FSIP2: variants seen among roughly 807,000 people sequenced by gnomAD.
FSIP2 encodes the protein fibrous sheath interacting protein 2.
In FSIP2, 367 loss-of-function variants were observed where a neutral mutation model predicts 510.5. The observed-to-expected ratio is 0.72, with a 90% CI of 0.66 to 0.78. The LOEUF (loss-of-function observed/expected upper bound fraction) is 0.78, where lower values mean the gene tolerates loss of function less well. Ranked by LOEUF, FSIP2 falls within the 30% of genes least tolerant of loss-of-function variation. The pLI is 0.00. For synonymous variants in FSIP2, 2,601 were observed against 2,732.2 expected (o/e 0.95, Z 1.50); for missense variants, 7,594 against 7,901.7 (o/e 0.96, Z 1.48).
chr2:185,747,688 G>T (rs1692060772), intron 7 of FSIP2, among the ~76,000 whole-genome samples: 2 of 151,920 alleles, frequency 1.3e-5, no homozygotes. Flanking sequence ...TTAAATGACT[G>T]ATTAACTTTT....
In FSIP2 at chr2:185,832,552, A is replaced by G. The variant is rs944586657; in HGVS notation, c.20588-538A>G. ...AACTTATTAAGTATCAGAAAAGTAT[A>G]TAAATATTTCTTTATATATAAAATT... On this transcript the variant is annotated intron_variant, in intron 22 of 22. Transcript: ENST00000424728. Among the ~76,000 whole-genome samples the G allele has an allele frequency of 2.0e-5, 3 of 151,744 alleles. No homozygotes were observed. In the South Asian group the frequency reaches 6.2e-4, roughly 31 times the overall value.
intron 12 of FSIP2, 81 bp downstream of exon 12, chr2:185,763,370 A>G: frequency 1.4e-6 from 1 of 699,544 alleles, no homozygotes. Flanking sequence ...ATAAAATGTC[A>G]TGATTTATGT....
At chr2:185,827,866 T>C (rs1237905999) in intron 20 of FSIP2, among the ~76,000 whole-genome samples, 1 of 151,904 alleles carries the variant, frequency 6.6e-6, no homozygotes, top group African/African-American at 2.4e-5. Flanking sequence ...TGGTTGTGCA[T>C]AGATGTATAG....
At position 185,792,993 on chromosome 2, in the gene FSIP2, C is replaced by T; in HGVS notation, c.5857C>T (p.Pro1953Ser). 1 of 1,534,394 alleles carries T rather than the reference C, an allele frequency of 6.5e-7. No homozygotes were observed. The highest frequency in any genetic ancestry group is 8.7e-7 in the Non-Finnish European group (1 of 1,145,652). Reference protein sequence around the residue: ...QVNFTVPVALPIQQDHSTLSK... With the variant: ...QVNFTVPVALSIQQDHSTLSK... Reference sequence around the variant, plus strand: ...CAACTTTACAGTTCCAGTGGCTTTACCTATTCAGCAAGATCACAGTACATT... The same window carrying T: ...CAACTTTACAGTTCCAGTGGCTTTATCTATTCAGCAAGATCACAGTACATT... The change falls in exon 16 of 23, where the codon CCT (proline) becomes TCT (serine). Residue 1953 changes from proline (P) to serine (S), a missense_variant. By Grantham distance (74) the Pro-to-Ser change is moderately conservative. Coordinates refer to ENST00000424728, the MANE Select transcript of FSIP2 (RefSeq NM_173651.4).
Position 185,803,276 on chromosome 2 carries a change from A to G in FSIP2, c.13970A>G (p.Lys4657Arg), listed in dbSNP as rs1449403410. 4 of 1,526,784 alleles carry G rather than the reference A, an allele frequency of 2.6e-6. No individual in the cohort carries two copies. Among genetic ancestry groups the G allele is most frequent in the Admixed American group, 4.0e-5 (2 of 49,604 alleles). The allele number at this position is 1,526,784 out of a possible 1,614,324, so 94.6% of individuals were successfully genotyped here. Residue 4657 changes from lysine to arginine, a missense_variant, in exon 17 of 23, where the codon AAA (lysine) becomes AGA (arginine). Lys to Arg is a conservative substitution (Grantham distance 26). Coordinates refer to ENST00000424728, the MANE Select transcript of FSIP2 (RefSeq NM_173651.4). ...GATTCAGAAGATGAACTGTTTGAGA[A>G]AGCTGAAGAACTCATACATTTGATT... is the stretch of plus-strand genomic sequence containing the variant. ...IRDSEDELFE[K>R]AEELIHLITG...
chr2:185,762,146 A>C, intron 11 of FSIP2, 129 bp downstream of exon 11: 1 of 503,162 alleles, frequency 2.0e-6, no homozygotes, highest in Non-Finnish European at 3.5e-6. Context: ...GCTGATATAA[A>C]TTTTTTATGA....
chr2:185,791,574 A>C lies in FSIP2; in HGVS notation c.4438A>C (p.Ile1480Leu). The change falls in exon 16 of 23, where the codon ATT (isoleucine) becomes CTT (leucine). Residue 1480 changes from isoleucine (I) to leucine (L), a missense_variant. Physicochemically the swap from Ile to Leu is conservative, Grantham distance 5. Transcript: ENST00000424728. ...AATGGCTGCTGCATTGCAGTCTAAT[A>C]TTCAGTTAATTTCTAAAGCAATTTT... ...QKMAAALQSN[I>L]QLISKAILDY... The C allele has an allele frequency of 6.5e-7, 1 of 1,534,284 alleles. No individual in the cohort carries two copies.
chr2:185,792,561 G>A lies in FSIP2; in HGVS notation c.5425G>A (p.Gly1809Ser), dbSNP rs1693162913. Residue 1809 changes from glycine to serine, a missense_variant, in exon 16 of 23, where the codon GGC (glycine) becomes AGC (serine). Gly to Ser is a moderately conservative substitution (Grantham distance 56). Coordinates refer to ENST00000424728, the MANE Select transcript of FSIP2 (RefSeq NM_173651.4). ...TTCTCTCTCCCACTCTAATTTTAATGGCATGCCTCACAATGTTGATGAGCC... is the reference window on the plus strand; with the variant it reads ...TTCTCTCTCCCACTCTAATTTTAATAGCATGCCTCACAATGTTGATGAGCC... ...VLSLSHSNFN[G>S]MPHNVDEPTP... The A allele has an allele frequency of 6.5e-7, 1 of 1,532,870 alleles. No homozygotes were observed. Among genetic ancestry groups the A allele is most frequent in the African/African-American group, 1.4e-5 (1 of 72,910 alleles). 95.0% of individuals were successfully genotyped at this position (1,532,870 alleles called of 1,614,324 possible).
rs2105643998 is a variant in FSIP2, at chr2:185,803,459, A to T, written c.14153A>T (p.Asp4718Val). The T allele has an allele frequency of 3.3e-6, 5 of 1,528,872 alleles. No individual in the cohort carries two copies. In the South Asian group the frequency reaches 4.8e-5, roughly 15 times the overall value. The allele number at this position is 1,528,872 out of a possible 1,614,324, so 94.7% of individuals were successfully genotyped here. The change falls in exon 17 of 23, where the codon GAT becomes GTT. Residue 4718 changes from aspartate (D) to valine (V), a missense_variant. Physicochemically the swap from Asp to Val is radical, Grantham distance 152. Transcript: ENST00000424728. Reference protein sequence around the residue: ...EYEMEVVPNKDFLNDTKTLAA... With the variant: ...EYEMEVVPNKVFLNDTKTLAA... ...GAAATGGAAGTCGTGCCCAATAAAG[A>T]TTTTCTAAATGACACAAAGACATTG...
chr2:185,808,515 T>C lies in FSIP2; in HGVS notation c.19209T>C (p.Ser6403=), dbSNP rs751406937. 1.5e-5 allele frequency: 24 copies of C among 1,611,562 alleles called. No individual in the cohort carries two copies. Among genetic ancestry groups the C allele is most frequent in the Non-Finnish European group, 1.9e-5 (22 of 1,179,086 alleles). Residue 6403 remains serine (S), a synonymous_variant, in exon 17 of 23, where the codon TCT becomes TCC. Transcript: ENST00000424728. ...ISRSSISLIA[S]DPEEHCLNPE... The stretch of plus-strand genomic sequence containing the variant: ...GAAGTAGCATTAGTCTAATAGCTTC[T>C]GATCCTGAAGAGCACTGTTTAAATC...
chr2:185,753,487 T>A (rs1293578365), intron 7 of FSIP2, among the ~76,000 whole-genome samples: 1 of 151,460 alleles, frequency 6.6e-6, no homozygotes, highest in Non-Finnish European at 1.5e-5. Context: ...GATCAGAAAC[T>A]GAATTAGTTC....
Position 185,763,298 on chromosome 2 carries a change from C to G in FSIP2, c.1347+9C>G. 8.7e-7 allele frequency: 1 copy of G among 1,146,210 alleles called. No individual in the cohort carries two copies. The highest frequency in any genetic ancestry group is 1.3e-6 in the Non-Finnish European group (1 of 791,660). The allele number at this position is 1,146,210 out of a possible 1,614,324, so 71.0% of individuals were successfully genotyped here. ...ATCCTTCAAAAGAAGAGGTATATAA[C>G]AGTTCTTTTACCCCAAATACAAACA... On this transcript the variant is annotated intron_variant, in intron 12 of 22. Transcript: ENST00000424728.
chr2:185,812,339 G>A lies in FSIP2; in HGVS notation c.19828-1206G>A, dbSNP rs147014463. ...GTTTTGGACTTGTTTGAGGCCTGTA[G>A]CCCCTTCTGTCAGGCCAATTTCTCC... On this transcript the variant is annotated intron_variant, in intron 17 of 22. Transcript: ENST00000424728. Among the ~76,000 whole-genome samples, 589 of 152,208 alleles carry A rather than the reference G, an allele frequency of 3.9e-3. 6 individuals are homozygous for A. Among genetic ancestry groups the A allele is most frequent in the Admixed American group, 7.1e-3 (108 of 15,288 alleles).
At chr2:185,751,467 G>C (rs1415336610) in intron 7 of FSIP2, among the ~76,000 whole-genome samples, 3 of 131,024 alleles carry the variant, frequency 2.3e-5, no homozygotes, top group Non-Finnish European at 5.3e-5. Flanking sequence ...TTTTCTGTGT[G>C]TGTGTGTGTG....
Position 185,802,560 on chromosome 2 carries a change from T to C in FSIP2, c.13254T>C (p.Leu4418=). 1 of 1,529,724 alleles carries C rather than the reference T, an allele frequency of 6.5e-7. No homozygotes were observed. Among genetic ancestry groups the C allele is most frequent in the Non-Finnish European group, 8.7e-7 (1 of 1,144,220 alleles). 94.8% of individuals were successfully genotyped at this position (1,529,724 alleles called of 1,614,324 possible). A position where few individuals can be genotyped will look rare whatever the true frequency, so the allele number is the denominator to read the frequency against. The part of the protein sequence containing the change: ...LIVAAISDYL[L]HPLFSGDFSA... ...TAGCAGCTATTTCAGATTACCTTCT[T>C]CATCCACTGTTTTCTGGGGATTTTT... Residue 4418 remains leucine (L), a synonymous_variant, in exon 17 of 23, where the codon CTT becomes CTC. Coordinates refer to ENST00000424728, the MANE Select transcript of FSIP2 (RefSeq NM_173651.4).
At position 185,805,227 on chromosome 2, in the gene FSIP2, T is replaced by C. The variant is rs1693536437; in HGVS notation, c.15921T>C (p.Asp5307=). Residue 5307 remains aspartate (D), a synonymous_variant, in exon 17 of 23, where the codon GAT becomes GAC. Coordinates refer to ENST00000424728, the MANE Select transcript of FSIP2 (RefSeq NM_173651.4). The part of the protein sequence containing the change: ...DSKKNEMAEL[D]IMGLALKLAN... ...AGAAAAATGAAATGGCAGAGCTAGA[T>C]ATTATGGGCTTGGCTCTAAAACTTG... 5 of 1,599,774 alleles carry C rather than the reference T, an allele frequency of 3.1e-6. No individual in the cohort carries two copies. The highest frequency in any genetic ancestry group is 2.3e-5 in the South Asian group (2 of 88,178).
intron 13 of FSIP2, among the ~76,000 whole-genome samples, chr2:185,773,923 A>AT: frequency 6.6e-6 from 1 of 152,124 alleles, no homozygotes; most frequent in Non-Finnish European, 1.5e-5. Flanking sequence ...TATGATCATG[A>AT]TTTTTTAAGG....
In FSIP2 at chr2:185,794,010, T is replaced by G; in HGVS notation, c.6874T>G (p.Cys2292Gly). 1.3e-6 allele frequency: 2 copies of G among 1,533,664 alleles called. No individual in the cohort carries two copies. The highest frequency in any genetic ancestry group is 2.4e-5 in the East Asian group (1 of 40,822). The stretch of plus-strand genomic sequence containing the variant: ...ATTTGTTATCCCAGAATTGGAAAAT[T>G]GTAAACAAAATGACAGCATCTTTTA... ...KSFVIPELEN[C>G]KQNDSIFYDS... The change falls in exon 16 of 23, where the codon TGT (cysteine) becomes GGT (glycine). Residue 2292 changes from cysteine (C) to glycine (G), a missense_variant. Physicochemically the swap from Cys to Gly is radical, Grantham distance 159 (BLOSUM62 -3). Transcript: ENST00000424728.
Position 185,790,956 on chromosome 2 carries a change from T to C in FSIP2, c.3820T>C (p.Phe1274Leu). The C allele has an allele frequency of 2.0e-6, 3 of 1,526,600 alleles. No individual in the cohort carries two copies. Among genetic ancestry groups the C allele is most frequent in the East Asian group, 2.5e-5 (1 of 40,780 alleles). The allele number at this position is 1,526,600 out of a possible 1,614,324, so 94.6% of individuals were successfully genotyped here. A position where few individuals can be genotyped will look rare whatever the true frequency, so the allele number is the denominator to read the frequency against. The change falls in exon 16 of 23, where the codon TTT becomes CTT. Residue 1274 changes from phenylalanine (F) to leucine (L), a missense_variant. Coordinates refer to ENST00000424728, the MANE Select transcript of FSIP2 (RefSeq NM_173651.4). ...IRTIFKRLKS[F>L]ICPKLHMGFK... ...TACAATTTTTAAAAGACTGAAGTCA[T>C]TTATTTGTCCAAAATTGCATATGGG... is the stretch of plus-strand genomic sequence containing the variant.
Sources: allele counts gnomAD v4.1 joint callset (sites outside exome capture counted in the v4.1 genomes callset), GRCh38; gene constraint gnomAD v4.1.1; transcripts MANE v1.5; gene names NCBI Gene and HGNC (gene_info 2026-07-23, HGNC 2026-07-21).